The following PIK3R5 variants were observed in gnomAD, a reference collection of about 807,000 sequenced individuals.
PIK3R5 encodes the protein phosphoinositide 3-kinase regulatory subunit 5.
Under a neutral mutation model 94.9 loss-of-function variants are expected in PIK3R5, and 32 were observed. The ratio of observed to expected loss-of-function variants is 0.34; its 90% CI spans 0.25 to 0.45. The LOEUF is 0.45. PIK3R5 is among the 20% of genes least tolerant of loss of function. The pLI, the probability that PIK3R5 is intolerant of heterozygous loss-of-function variation, is 1.00. For synonymous variants in PIK3R5, 443 were observed against 479.4 expected (o/e 0.92, Z 0.99); for missense variants, 853 against 1,144.6 (o/e 0.75, Z 3.68).
At chr17:8,961,356 C>G (rs145715638) in intron 1 of PIK3R5, among the ~76,000 whole-genome samples, 6 of 151,986 alleles carry the variant, frequency 3.9e-5, no homozygotes, top group African/African-American at 1.4e-4. Context: ...TCACGCAGGC[C>G]GGGCGCGGTT....
intron 5 of PIK3R5, among the ~76,000 whole-genome samples, chr17:8,902,846 A>ATTTTTTTTTTTTTTTTTTTTTTTTT (rs35776068): frequency 7.1e-6 from 1 of 140,166 alleles, no homozygotes; most frequent in African/African-American, 2.7e-5. Context: ...TTTAGATAGA[A>ATTTTTTTTTTTTTTTTTTTTTTTTT]TTTTTTTTTT....
At chr17:8,913,113 C>T (rs1405013507) in intron 1 of PIK3R5, among the ~76,000 whole-genome samples, 2 of 152,316 alleles carry the variant, frequency 1.3e-5, no homozygotes, top group South Asian at 2.1e-4. Context: ...GTGAAACATG[C>T]TGTAAAGGAT....
At chr17:8,957,791 A>G (rs1485096536) in intron 1 of PIK3R5, among the ~76,000 whole-genome samples, 1 of 152,126 alleles carries the variant, frequency 6.6e-6, no homozygotes. Context: ...GAGAGAAGAG[A>G]AGGAAGCTTG....
intron 1 of PIK3R5, among the ~76,000 whole-genome samples, chr17:8,930,606 C>G (rs2090970998): frequency 6.6e-6 from 1 of 152,140 alleles, no homozygotes; most frequent in Non-Finnish European, 1.5e-5. Context: ...TGGCCAAAAA[C>G]TGAAAACAAA....
chr17:8,940,890 A>AG (rs1216589076), intron 1 of PIK3R5, among the ~76,000 whole-genome samples: 1 of 152,146 alleles, frequency 6.6e-6, no homozygotes, highest in African/African-American at 2.4e-5. Flanking sequence ...AGAGGCAGGG[A>AG]GGAGCTGAGT....
At position 8,893,287 on chromosome 17, in the gene PIK3R5, T is replaced by C. The variant is rs541925375; in HGVS notation, c.482+299A>G. ...GTTGCTTGACCTCTCTGACCTCCAG[T>C]TCCTCATCTGAAAATAATGAAAGTG... is the stretch of plus-strand genomic sequence containing the variant. On this transcript the variant is annotated intron_variant, in intron 6 of 18. Transcript: ENST00000447110. This position sits in a 1 kb window ranked among gnomAD's most constrained non-coding sequence, Gnocchi z 5.1. Among the ~76,000 whole-genome samples, 33 of 152,218 alleles carry C rather than the reference T, an allele frequency of 2.2e-4. No individual in the cohort carries two copies. The highest frequency in any genetic ancestry group is 7.9e-4 in the African/African-American group (33 of 41,514).
Position 8,911,688 on chromosome 17 carries a change from AG to A in PIK3R5, c.-13-182del, listed in dbSNP as rs1171029912. Reference sequence around the variant, plus strand: ...CCTCCAGGGTAGGAATGGCATCTGGAGGGCCACATCTGAGTGGCAGGACAGA... The same window carrying A: ...CCTCCAGGGTAGGAATGGCATCTGGAGGCCACATCTGAGTGGCAGGACAGA... On this transcript the variant is annotated intron_variant, in intron 1 of 18. Coordinates refer to ENST00000447110, the MANE Select transcript of PIK3R5 (RefSeq NM_001142633.3). This position sits in a 1 kb window ranked among gnomAD's most constrained non-coding sequence, Gnocchi z 5.3. 5.3e-6 allele frequency: 3 copies of A among 564,910 alleles called. No individual in the cohort carries two copies. In the African/African-American group the frequency reaches 5.7e-5, roughly 11 times the overall value. The allele number at this position is 564,910 out of a possible 1,614,324, so 35.0% of individuals were successfully genotyped here.
At chr17:8,949,180 G>T (rs764853167) in intron 1 of PIK3R5, among the ~76,000 whole-genome samples, 1 of 152,188 alleles carries the variant, frequency 6.6e-6, no homozygotes, top group Non-Finnish European at 1.5e-5. Flanking sequence ...TGCATGGGCT[G>T]GCATGGTAGA....
Position 8,945,351 on chromosome 17 carries a change from G to C in PIK3R5, c.-14+20245C>G, listed in dbSNP as rs1352865092. On this transcript the variant is annotated intron_variant, in intron 1 of 18. Coordinates refer to ENST00000447110, the MANE Select transcript of PIK3R5 (RefSeq NM_001142633.3). The surrounding 1 kb of genome is among the most constrained non-coding windows in gnomAD (Gnocchi z 4.0). ...ATCAGTAGGTCTGCCTCCCACCCCAGCCACACACACACACACTCACACCCT... is the reference window on the plus strand; with the variant it reads ...ATCAGTAGGTCTGCCTCCCACCCCACCCACACACACACACACTCACACCCT... Among the ~76,000 whole-genome samples the C allele has an allele frequency of 6.6e-6, 1 of 151,906 alleles. No individual in the cohort carries two copies. The highest frequency in any genetic ancestry group is 1.5e-5 in the Non-Finnish European group (1 of 67,992).
In PIK3R5 at chr17:8,957,151, A is replaced by G. The variant is rs761258871; in HGVS notation, c.-14+8445T>C. Among the ~76,000 whole-genome samples the G allele has an allele frequency of 6.5e-4, 99 of 152,228 alleles. 1 individual carries two copies. The highest frequency in any genetic ancestry group is 5.3e-4 in the Non-Finnish European group (36 of 68,044). ...CAGTCAGACATGGCCACCATGATTT[A>G]GAGAACTACAGGCTCTTTAAAAATA... is the stretch of plus-strand genomic sequence containing the variant. On this transcript the variant is annotated intron_variant, in intron 1 of 18. Coordinates refer to ENST00000447110, the MANE Select transcript of PIK3R5 (RefSeq NM_001142633.3).
intron 1 of PIK3R5, among the ~76,000 whole-genome samples, chr17:8,960,187 GA>G (rs1754078558): frequency 6.6e-6 from 1 of 152,186 alleles, no homozygotes; most frequent in Non-Finnish European, 1.5e-5. Flanking sequence ...ATGAGATGTT[GA>G]AAAGAATGCT....
At chr17:8,950,144 T>A (rs1465894886) in intron 1 of PIK3R5, among the ~76,000 whole-genome samples, 1 of 152,198 alleles carries the variant, frequency 6.6e-6, no homozygotes, top group Non-Finnish European at 1.5e-5. Context: ...AGTTTCATGA[T>A]GATGTAAAAA....
chr17:8,928,617 A>T (rs2090933323), intron 1 of PIK3R5, among the ~76,000 whole-genome samples: 1 of 152,262 alleles, frequency 6.6e-6, no homozygotes. Flanking sequence ...CTAATTGCTG[A>T]AGGACAAGCA....
Position 8,886,183 on chromosome 17 carries a change from T to A in PIK3R5, c.2128+46A>T, listed in dbSNP as rs189744453. On this transcript the variant is annotated intron_variant, in intron 14 of 18. Transcript: ENST00000447110. ...CCTCCACAGAGCTCCACGTTTCGCG[T>A]CCCAGGCCCCGCCTCACCGTCTGTC... 1.1e-4 allele frequency: 157 copies of A among 1,466,530 alleles called. 3 individuals carry two copies. The East Asian group carries it at 3.2e-3, about 30-fold the overall frequency. 90.8% of individuals were successfully genotyped at this position (1,466,530 alleles called of 1,614,324 possible). A position where few individuals can be genotyped will look rare whatever the true frequency, so the allele number is the denominator to read the frequency against.
chr17:8,958,280 C>CA (rs10716055), intron 1 of PIK3R5, among the ~76,000 whole-genome samples: 3,115 of 131,710 alleles, frequency 0.024, 130 homozygotes, highest in African/African-American at 0.082. Flanking sequence ...GAGACTGTCT[C>CA]AAAAAAAAAA....
rs532559691 is a variant in PIK3R5, at chr17:8,884,072, A to G, written c.2205+635T>C. On this transcript the variant is annotated intron_variant, in intron 15 of 18. Coordinates refer to ENST00000447110, the MANE Select transcript of PIK3R5 (RefSeq NM_001142633.3). This position sits in a 1 kb window ranked among gnomAD's most constrained non-coding sequence, Gnocchi z 5.8. ...CGTTTCTTGTCTGTCTCCCTCCTCTAGACAAGCTAAAGTGAGGCCTAGGCT... is the reference window on the plus strand; with the variant it reads ...CGTTTCTTGTCTGTCTCCCTCCTCTGGACAAGCTAAAGTGAGGCCTAGGCT... Among the ~76,000 whole-genome samples, 61 of 152,142 alleles carry G rather than the reference A, an allele frequency of 4.0e-4. No individual in the cohort carries two copies. The highest frequency in any genetic ancestry group is 1.4e-3 in the African/African-American group (60 of 41,500).
At chr17:8,950,620 C>T (rs537329617) in intron 1 of PIK3R5, among the ~76,000 whole-genome samples, 1 of 152,310 alleles carries the variant, frequency 6.6e-6, no homozygotes, top group East Asian at 1.9e-4. Context: ...CTGCAAAGGA[C>T]ATGACTTCAT....
At position 8,944,565 on chromosome 17, in the gene PIK3R5, C is replaced by T. The variant is rs7219277; in HGVS notation, c.-14+21031G>A. On this transcript the variant is annotated intron_variant, in intron 1 of 18. Coordinates refer to ENST00000447110, the MANE Select transcript of PIK3R5 (RefSeq NM_001142633.3). ...GGCACTAGCATTCCATGATTTTATT[C>T]TGGAATGATGAGGTTGTGTTTTTCC... 7.8e-3 allele frequency among the ~76,000 whole-genome samples: 1,189 copies of T among 152,266 alleles called. 20 individuals carry two copies. Among genetic ancestry groups the T allele is most frequent in the African/African-American group, 0.027 (1,141 of 41,534 alleles).
chr17:8,926,697 C>T (rs1246986100), intron 1 of PIK3R5, among the ~76,000 whole-genome samples: 3 of 152,260 alleles, frequency 2.0e-5, no homozygotes, highest in Middle Eastern at 3.4e-3. Flanking sequence ...AGGTCCCTCC[C>T]ACAACACATG....
Sources: gnomAD v4.1 joint callset for allele counts (sites outside exome capture counted in the v4.1 genomes callset) on GRCh38, gnomAD v4.1.1 for gene constraint, Gnocchi (gnomAD v3.1) non-coding constraint, MANE v1.5 for transcripts, NCBI Gene and HGNC (gene_info 2026-07-23, HGNC 2026-07-21) for gene names.